Variants in PSME4 observed in about 807,000 individuals in gnomAD.
PSME4 encodes proteasome activator subunit 4.
PSME4 carries 89 observed loss-of-function variants against 253.9 expected under a neutral mutation model. That is an observed-to-expected ratio of 0.35 (90% CI 0.30 to 0.42). The LOEUF (loss-of-function observed/expected upper bound fraction) is 0.42, where lower values mean the gene tolerates loss of function less well. PSME4 is among the 10% of genes least tolerant of loss of function. PSME4 has a pLI of 1.00. For synonymous variants in PSME4, 851 were observed against 759.2 expected (o/e 1.12, Z -1.99); for missense variants, 2,014 against 2,195.2 (o/e 0.92, Z 1.65).
chr2:53,882,938 C>G (rs1679465232), intron 41 of PSME4, among the ~76,000 whole-genome samples: 1 of 150,792 alleles, frequency 6.6e-6, no homozygotes, highest in Non-Finnish European at 1.5e-5. Flanking sequence ...ATAAATAAAA[C>G]TATGAACAGT....
intron 8 of PSME4, among the ~76,000 whole-genome samples, chr2:53,934,365 G>A (rs1413782101): frequency 4.6e-5 from 7 of 152,232 alleles, no homozygotes; most frequent in African/African-American, 1.7e-4. Flanking sequence ...TAGACATCGT[G>A]AATCCCTCAA....
At chr2:53,929,108 G>T (rs1668700919) in intron 10 of PSME4, among the ~76,000 whole-genome samples, 1 of 151,944 alleles carries the variant, frequency 6.6e-6, no homozygotes, top group South Asian at 2.1e-4. Flanking sequence ...GGAGGTTCCA[G>T]TGAGCCAAGA....
intron 41 of PSME4, 79 bp from the exon 42 acceptor site, chr2:53,875,834 A>G (rs553188901): frequency 7.6e-7 from 1 of 1,321,982 alleles, no homozygotes; most frequent in Non-Finnish European, 1.0e-6. Flanking sequence ...GAGAGACAAC[A>G]CATCTTTAAT....
chr2:53,969,409 T>A (rs151316007), intron 1 of PSME4, among the ~76,000 whole-genome samples: 75 of 152,236 alleles, frequency 4.9e-4, no homozygotes, highest in African/African-American at 1.8e-3. Flanking sequence ...AATTGGCAGA[T>A]GAGAATCATC....
chr2:53,967,344 A>G (rs1052231432), intron 1 of PSME4, among the ~76,000 whole-genome samples: 1 of 152,066 alleles, frequency 6.6e-6, no homozygotes. Flanking sequence ...CTGAACTACT[A>G]AAAATGAAGA....
At chr2:53,955,266 G>A (rs938687118) in intron 1 of PSME4, among the ~76,000 whole-genome samples, 1 of 152,316 alleles carries the variant, frequency 6.6e-6, no homozygotes, top group Middle Eastern at 3.4e-3. Flanking sequence ...AGAATGGCTT[G>A]TTAAAGTGTG....
At position 53,866,888 on chromosome 2, in the gene PSME4, G is replaced by C; in HGVS notation, c.5264-8C>G. The C allele has an allele frequency of 6.2e-7, 1 of 1,611,896 alleles. No individual in the cohort carries two copies. Among genetic ancestry groups the C allele is most frequent in the Non-Finnish European group, 8.5e-7 (1 of 1,179,178 alleles). On this transcript the variant is annotated splice_region_variant and splice_polypyrimidine_tract_variant and intron_variant, in intron 44 of 46. Coordinates refer to ENST00000404125, the MANE Select transcript of PSME4 (RefSeq NM_014614.3). ...CATGGCGTTTGACCAACTCTGCAAA[G>C]AGAATAGCAACATTTGTGCAAATAT... is the stretch of plus-strand genomic sequence containing the variant.
At position 53,900,183 on chromosome 2, in the gene PSME4, AG is replaced by A. The variant is rs376725306; in HGVS notation, c.3286-167del. Among the ~76,000 whole-genome samples, 569 of 152,328 alleles carry A rather than the reference AG, an allele frequency of 3.7e-3. 3 individuals carry two copies. Among genetic ancestry groups the A allele is most frequent in the Middle Eastern group, 0.031 (9 of 294 alleles). On this transcript the variant is annotated intron_variant, in intron 28 of 46. Coordinates refer to ENST00000404125, the MANE Select transcript of PSME4 (RefSeq NM_014614.3). ...TAATAATGGGCAAATTTATTGACAG[AG>A]AAAGTGGTTTCCAGGGGTTTGGGGT...
chr2:53,925,505 G>T, intron 14 of PSME4, 34 bp downstream of exon 14: 1 of 1,473,024 alleles, frequency 6.8e-7, no homozygotes, highest in Non-Finnish European at 9.1e-7. Flanking sequence ...AAACTTAAAA[G>T]CTGGAAGTTT....
At chr2:53,891,955 T>A (rs955122709) in intron 36 of PSME4, among the ~76,000 whole-genome samples, 1 of 151,476 alleles carries the variant, frequency 6.6e-6, no homozygotes, top group East Asian at 1.9e-4. Context: ...AAGGAAGGAA[T>A]TCTTCAATCA....
At chr2:53,892,050 G>A (rs935524817) in intron 36 of PSME4, among the ~76,000 whole-genome samples, 3 of 152,100 alleles carry the variant, frequency 2.0e-5, no homozygotes, top group African/African-American at 7.2e-5. Flanking sequence ...AACATATAGG[G>A]ATAGGAATTA....
chr2:53,963,535 AT>A (rs941246750), intron 1 of PSME4, among the ~76,000 whole-genome samples: 4 of 152,194 alleles, frequency 2.6e-5, no homozygotes. Context: ...TTGTGTCTTC[AT>A]TTTTTAAATG....
chr2:53,908,504 A>G lies in PSME4; in HGVS notation c.2685+6T>C. On this transcript the variant is annotated splice_donor_region_variant and intron_variant, in intron 23 of 46. Transcript: ENST00000404125. Reference sequence around the variant, plus strand: ...TCATTATGCAACTATCAAATGACAAATGTACCTTTATAATAAGAAACAATG... The same window carrying G: ...TCATTATGCAACTATCAAATGACAAGTGTACCTTTATAATAAGAAACAATG... 1 of 1,610,696 alleles carries G rather than the reference A, an allele frequency of 6.2e-7. No homozygotes were observed. The highest frequency in any genetic ancestry group is 8.5e-7 in the Non-Finnish European group (1 of 1,178,254).
chr2:53,866,999 A>C, intron 44 of PSME4, 119 bp from the exon 45 acceptor site: 1 of 977,002 alleles, frequency 1.0e-6, no homozygotes, highest in Non-Finnish European at 1.5e-6. Flanking sequence ...CTGCATTTAA[A>C]ATGAATCTAC....
intron 1 of PSME4, among the ~76,000 whole-genome samples, chr2:53,956,727 C>A (rs1455316623): frequency 6.6e-6 from 1 of 151,606 alleles, no homozygotes; most frequent in African/African-American, 2.4e-5. Flanking sequence ...AGCCCACCAC[C>A]ATGCCTGGCT....
chr2:53,889,450 G>C (rs189931834), intron 37 of PSME4, among the ~76,000 whole-genome samples: 8 of 152,138 alleles, frequency 5.3e-5, no homozygotes, highest in African/African-American at 1.4e-4. Flanking sequence ...ATCTGAACAG[G>C]TTCACTATAG....
At chr2:53,954,520 C>T (rs1309374100) in intron 1 of PSME4, among the ~76,000 whole-genome samples, 3 of 152,016 alleles carry the variant, frequency 2.0e-5, no homozygotes, top group African/African-American at 7.2e-5. Flanking sequence ...TAATAAAAAT[C>T]CTTCATCTAG....
In PSME4 at chr2:53,888,703, T is replaced by C; in HGVS notation, c.4388+18A>G. 1.3e-6 allele frequency: 2 copies of C among 1,560,910 alleles called. No individual in the cohort carries two copies. Among genetic ancestry groups the C allele is most frequent in the Non-Finnish European group, 1.8e-6 (2 of 1,136,102 alleles). On this transcript the variant is annotated intron_variant, in intron 38 of 46. Coordinates refer to ENST00000404125, the MANE Select transcript of PSME4 (RefSeq NM_014614.3). ...AAACCTTTCGTGTTAACCTCATAGG[T>C]TTTTTAAAAAAATTTACCATGCATC...
intron 1 of PSME4, among the ~76,000 whole-genome samples, chr2:53,954,834 T>C (rs1670159561): frequency 6.8e-6 from 1 of 146,320 alleles, no homozygotes; most frequent in African/African-American, 2.6e-5. Context: ...GAGAGACCTG[T>C]CTCAAAAAAA....
Sources: gnomAD v4.1 joint callset for allele counts (sites outside exome capture counted in the v4.1 genomes callset) on GRCh38, gnomAD v4.1.1 for gene constraint, MANE v1.5 for transcripts, NCBI Gene and HGNC (gene_info 2026-07-23, HGNC 2026-07-21) for gene names.